The following MAD1L1 variants were observed in gnomAD, a reference collection of about 807,000 sequenced individuals.
The protein encoded by MAD1L1 is mitotic arrest deficient 1 like 1.
In MAD1L1, 95 loss-of-function variants were observed where a neutral mutation model predicts 96.9. That is an observed-to-expected ratio of 0.98 (90% CI 0.83 to 1.16). The LOEUF (loss-of-function observed/expected upper bound fraction) is 1.16, where lower values mean the gene tolerates loss of function less well. Ranked by LOEUF, MAD1L1 falls within the 50% of genes most tolerant of loss-of-function variation. MAD1L1 has a pLI of 0.00. For missense variants in MAD1L1, 1,007 were observed against 954.4 expected, an observed-to-expected ratio of 1.06 and a Z score of -0.73; for synonymous variants, 473 against 396.6, an observed-to-expected ratio of 1.19 and a Z score of -2.29.
intron 15 of MAD1L1, among the ~76,000 whole-genome samples, chr7:1,959,932 A>G (rs116746056): frequency 0.042 from 6,326 of 152,288 alleles, 454 homozygotes; most frequent in African/African-American, 0.14. Context: ...AAAAATTTAA[A>G]TTATTAACTT....
chr7:2,158,503 C>T (rs1327934705), intron 10 of MAD1L1, among the ~76,000 whole-genome samples: 1 of 152,330 alleles, frequency 6.6e-6, no homozygotes, highest in East Asian at 1.9e-4. Context: ...CAGAGCCCTG[C>T]GGAAGGCAGG....
intron 11 of MAD1L1, among the ~76,000 whole-genome samples, chr7:2,127,404 C>T (rs1788282709): frequency 6.6e-6 from 1 of 152,232 alleles, no homozygotes; most frequent in Non-Finnish European, 1.5e-5. Flanking sequence ...GCCCAGCACA[C>T]TTGCTCCAGA....
intron 10 of MAD1L1, among the ~76,000 whole-genome samples, chr7:2,164,357 C>T (rs1341699492): frequency 6.6e-6 from 1 of 152,204 alleles, no homozygotes; most frequent in Non-Finnish European, 1.5e-5. Flanking sequence ...AGCTGAGCCT[C>T]AGTTTTCTGG....
chr7:2,202,444 G>A (rs923595488), intron 10 of MAD1L1, among the ~76,000 whole-genome samples: 4 of 152,178 alleles, frequency 2.6e-5, no homozygotes, highest in Non-Finnish European at 4.4e-5. Context: ...CACCACAGAC[G>A]CACAGGCCTG....
At chr7:1,844,034 A>AT (rs1357137945) in intron 18 of MAD1L1, 2 of 154,472 alleles carry the variant, frequency 1.3e-5, no homozygotes, top group African/African-American at 4.8e-5. Context: ...GAGCCTATGC[A>AT]GGAACACTTG....
chr7:1,937,007 C>T (rs974696285), intron 16 of MAD1L1, 110 bp from the exon 17 acceptor site: 6 of 805,288 alleles, frequency 7.5e-6, no homozygotes, highest in African/African-American at 6.8e-5. Flanking sequence ...ACGGGTCACA[C>T]ACAGCACAGT....
rs775698909 is a variant in MAD1L1, at chr7:2,014,536, AC to A, written c.1324del (p.Val442CysfsTer36). The A allele has an allele frequency of 3.7e-6, 6 of 1,608,514 alleles. No individual in the cohort carries two copies. Among genetic ancestry groups the A allele is most frequent in the Non-Finnish European group, 4.2e-6 (5 of 1,179,492 alleles). On this transcript the variant is annotated frameshift_variant, in exon 13 of 19. Transcript: ENST00000265854. LOFTEE classifies it high-confidence loss of function. ...TRRMREAEDMVQKVHSHSAEM... is the reference protein window; with the variant it reads ...TRRMREAEDMXQKVHSHSAEM... Reference sequence around the variant, plus strand: ...GGCGCTGTGGCTGTGCACCTTCTGCACCATATCCTCAGCCTCCCGCATGCGC... The same window carrying A: ...GGCGCTGTGGCTGTGCACCTTCTGCACATATCCTCAGCCTCCCGCATGCGC...
chr7:2,126,212 A>C (rs1005056718), intron 11 of MAD1L1, among the ~76,000 whole-genome samples: 1 of 152,204 alleles, frequency 6.6e-6, no homozygotes, highest in Non-Finnish European at 1.5e-5. Context: ...GGGAGCCGAG[A>C]GCAGACACAG....
At chr7:1,996,238 C>T (rs1781552607) in intron 14 of MAD1L1, among the ~76,000 whole-genome samples, 1 of 145,758 alleles carries the variant, frequency 6.9e-6, no homozygotes, top group South Asian at 2.2e-4. Flanking sequence ...AGGGTCCCCC[C>T]GGGTCTACAC....
rs6974306 is a variant in MAD1L1, at chr7:2,097,623, G to A, written c.1074-28285C>T. ...TGAGAACCCAGGCAGCAGGAGGTGC[G>A]GACACCCACAGCCACAGCCGGCCAT... On this transcript the variant is annotated intron_variant, in intron 11 of 18. Transcript: ENST00000265854. Among the ~76,000 whole-genome samples, 25 of 152,312 alleles carry A rather than the reference G, an allele frequency of 1.6e-4. No individual in the cohort carries two copies. The East Asian group carries it at 2.1e-3, about 13-fold the overall frequency.
At chr7:2,069,650 G>A (rs1186510319) in intron 11 of MAD1L1, among the ~76,000 whole-genome samples, 1 of 152,228 alleles carries the variant, frequency 6.6e-6, no homozygotes, top group Non-Finnish European at 1.5e-5. Context: ...GAGCGAGATT[G>A]CAGAGCCAGC....
In MAD1L1 at chr7:2,088,731, G is replaced by A. The variant is rs1786056157; in HGVS notation, c.1074-19393C>T. ...CCGACGGAGCCGGGCCATCTCTCAA[G>A]TACAACCTAGACGCCCTCAACTCCA... On this transcript the variant is annotated intron_variant, in intron 11 of 18. Transcript: ENST00000265854. The surrounding 1 kb of genome is among the most constrained non-coding windows in gnomAD (Gnocchi z 4.4). The A allele has an allele frequency of 6.6e-6, 1 of 152,456 alleles. No individual in the cohort carries two copies. The highest frequency in any genetic ancestry group is 1.5e-5 in the Non-Finnish European group (1 of 68,224). The allele number at this position is 152,456 out of a possible 1,614,324, so 9.4% of individuals were successfully genotyped here.
intron 10 of MAD1L1, among the ~76,000 whole-genome samples, chr7:2,186,352 G>C (rs1028360171): frequency 6.6e-6 from 1 of 152,194 alleles, no homozygotes; most frequent in Admixed American, 6.5e-5. Context: ...TGCATTCTAC[G>C]ATGGAATAAT....
intron 5 of MAD1L1, among the ~76,000 whole-genome samples, chr7:2,221,246 C>A (rs1346747074): frequency 2.0e-5 from 3 of 152,198 alleles, no homozygotes; most frequent in African/African-American, 7.2e-5. Flanking sequence ...CCCCATGGAA[C>A]CACAGGTGCC....
intron 16 of MAD1L1, among the ~76,000 whole-genome samples, chr7:1,941,745 G>C (rs1779009588): frequency 6.6e-6 from 1 of 152,222 alleles, no homozygotes; most frequent in South Asian, 2.1e-4. Context: ...GCATTCACTG[G>C]GCACCTGCGG....
At chr7:2,222,906 A>T (rs948549094) in intron 4 of MAD1L1, 152 bp from the exon 5 acceptor site, 2 of 615,862 alleles carry the variant, frequency 3.2e-6, no homozygotes, top group Non-Finnish European at 5.4e-6. Flanking sequence ...CCAGGACGGG[A>T]CCTGGGACCC....
intron 12 of MAD1L1, among the ~76,000 whole-genome samples, chr7:2,056,363 G>C (rs961517312): frequency 6.6e-6 from 1 of 152,138 alleles, no homozygotes; most frequent in African/African-American, 2.4e-5. Context: ...CATGGGGCTC[G>C]CGCAGGCTCT....
intron 11 of MAD1L1, among the ~76,000 whole-genome samples, chr7:2,137,252 ATTCATTTCTGTGT>A (rs1788797887): frequency 6.6e-6 from 1 of 152,242 alleles, no homozygotes; most frequent in Admixed American, 6.5e-5. Flanking sequence ...TTCAAGTAGT[ATTCATTTCTGTGT>A]TTTCTCCAAA....
intron 18 of MAD1L1, among the ~76,000 whole-genome samples, chr7:1,875,607 GC>G (rs998645093): frequency 3.3e-5 from 5 of 152,326 alleles, no homozygotes; most frequent in African/African-American, 1.2e-4. Context: ...AGGAAAGGCG[GC>G]AAGGTTCCCA....
Sources: allele counts gnomAD v4.1 joint callset (sites outside exome capture counted in the v4.1 genomes callset), GRCh38; gene constraint gnomAD v4.1.1; non-coding constraint Gnocchi (gnomAD v3.1); transcripts MANE v1.5; gene names NCBI Gene and HGNC (gene_info 2026-07-23, HGNC 2026-07-21).